Variants in ARK2N observed in about 807,000 individuals in gnomAD.
The protein encoded by ARK2N is protein ARK2N.
At chr18:46,256,768 A>T in the ARK2N span, among the ~76,000 whole-genome samples, 56 of 152,206 alleles carry the variant, frequency 3.7e-4, no homozygotes, top group Middle Eastern at 0.01. Context: ...TGACTCCTTT[A>T]TTATTTTGTG....
the ARK2N span, among the ~76,000 whole-genome samples, chr18:46,226,151 G>A: frequency 6.6e-6 from 1 of 152,036 alleles, no homozygotes; most frequent in Non-Finnish European, 1.5e-5. Context: ...TTTGTTGCTA[G>A]TTTTCATGAA....
the ARK2N span, among the ~76,000 whole-genome samples, chr18:46,200,938 T>C: frequency 1.7e-3 from 259 of 152,102 alleles, 1 homozygote; most frequent in African/African-American, 6.2e-3. Flanking sequence ...TGGGTGCTAG[T>C]AGGGCACTAC....
chr18:46,260,599 C>G, the ARK2N span, among the ~76,000 whole-genome samples: 1 of 152,196 alleles, frequency 6.6e-6, no homozygotes, highest in Non-Finnish European at 1.5e-5. Flanking sequence ...GTCTCCTATT[C>G]TCTCTCCTTC....
the ARK2N span, chr18:46,253,756 A>G: frequency 1.2e-6 from 2 of 1,613,464 alleles, no homozygotes; most frequent in Non-Finnish European, 8.5e-7. Context: ...TGCGCCACTC[A>G]ATGAAGAAAT....
chr18:46,176,868 CG>C, the ARK2N span, among the ~76,000 whole-genome samples: 1 of 152,102 alleles, frequency 6.6e-6, no homozygotes, highest in African/African-American at 2.4e-5. Context: ...CTGCCTGCCT[CG>C]GCTCCCAGAG....
At chr18:46,263,354 A>G in the ARK2N span, 2 of 361,758 alleles carry the variant, frequency 5.5e-6, no homozygotes, top group African/African-American at 2.0e-5. Flanking sequence ...ATATAGAATG[A>G]TGAATTTTAT....
At chr18:46,234,108 T>G in the ARK2N span, among the ~76,000 whole-genome samples, 15 of 152,216 alleles carry the variant, frequency 9.9e-5, no homozygotes, top group African/African-American at 2.9e-4. Flanking sequence ...CAAATTATTC[T>G]GCATGTATTT....
At chr18:46,222,377 TAAC>T in the ARK2N span, among the ~76,000 whole-genome samples, 1 of 152,220 alleles carries the variant, frequency 6.6e-6, no homozygotes, top group African/African-American at 2.4e-5. Flanking sequence ...CTATATTAAT[TAAC>T]AAGCATTAAG....
At chr18:46,177,788 A>G in the ARK2N span, among the ~76,000 whole-genome samples, 1 of 152,020 alleles carries the variant, frequency 6.6e-6, no homozygotes, top group Admixed American at 6.6e-5. Flanking sequence ...ATGCATCTTT[A>G]GTCCCTGCTG....
At chr18:46,217,505 C>T in the ARK2N span, 2 of 152,112 alleles carry the variant, frequency 1.3e-5, no homozygotes, top group Non-Finnish European at 2.9e-5. Flanking sequence ...TTTGGGTTTT[C>T]TAAAGTTTTA....
At chr18:46,180,909 G>T in the ARK2N span, among the ~76,000 whole-genome samples, 3 of 152,194 alleles carry the variant, frequency 2.0e-5, no homozygotes, top group South Asian at 6.2e-4. Flanking sequence ...TTTAAATAAG[G>T]TATTAGAAAA....
the ARK2N span, among the ~76,000 whole-genome samples, chr18:46,177,989 C>T: frequency 1.3e-5 from 2 of 152,154 alleles, no homozygotes; most frequent in Non-Finnish European, 2.9e-5. Flanking sequence ...GCTCTAGTTG[C>T]AGGAACTATA....
At chr18:46,262,925 G>A in the ARK2N span, 1 of 1,612,966 alleles carries the variant, frequency 6.2e-7, no homozygotes, top group East Asian at 2.2e-5. Flanking sequence ...CATCTCAATT[G>A]CAGGTGTGTT....
At chr18:46,201,592 A>G in the ARK2N span, among the ~76,000 whole-genome samples, 1 of 152,010 alleles carries the variant, frequency 6.6e-6, no homozygotes, top group Non-Finnish European at 1.5e-5. Context: ...CCAAGTAATA[A>G]TAAGGAAGTA....
the ARK2N span, among the ~76,000 whole-genome samples, chr18:46,226,571 T>A: frequency 6.6e-6 from 1 of 152,214 alleles, no homozygotes; most frequent in African/African-American, 2.4e-5. Flanking sequence ...TTAGTTATGT[T>A]AAAGAGCTCA....
At chr18:46,245,718 T>C in the ARK2N span, among the ~76,000 whole-genome samples, 1 of 152,186 alleles carries the variant, frequency 6.6e-6, no homozygotes, top group East Asian at 1.9e-4. Context: ...TTCTCTTCAG[T>C]GTGTTGCAAA....
the ARK2N span, among the ~76,000 whole-genome samples, chr18:46,243,479 G>GT: frequency 1.3e-5 from 2 of 152,084 alleles, no homozygotes; most frequent in African/African-American, 4.8e-5. Context: ...TAAAGATAGA[G>GT]TAGGTTGCCT....
chr18:46,261,067 G>A, the ARK2N span, among the ~76,000 whole-genome samples: 240 of 152,134 alleles, frequency 1.6e-3, no homozygotes, highest in Non-Finnish European at 2.9e-3. Context: ...TTTGCCACTC[G>A]TTGCCTGAAT....
chr18:46,200,196 C>A, the ARK2N span, among the ~76,000 whole-genome samples: 2 of 152,262 alleles, frequency 1.3e-5, no homozygotes, highest in East Asian at 3.9e-4. Flanking sequence ...CATTTGCTAT[C>A]TATCTAATCA....
Sources: gnomAD v4.1 joint callset for allele counts (sites outside exome capture counted in the v4.1 genomes callset) on GRCh38, gnomAD v4.1.1 for gene constraint, MANE v1.5 for transcripts, NCBI Gene and HGNC (gene_info 2026-07-23, HGNC 2026-07-21) for gene names.